OTULINL: variants seen among roughly 807,000 people sequenced by gnomAD.
OTULINL encodes the protein OTU deubiquitinase with linear linkage specificity like, also known as inactive ubiquitin thioesterase OTULINL.
OTULINL carries 42 observed loss-of-function variants against 43.9 expected under a neutral mutation model. The observed-to-expected ratio is 0.96, with a 90% CI of 0.75 to 1.24. OTULINL has a LOEUF of 1.24. OTULINL is among the 50% of genes most tolerant of loss of function. OTULINL has a pLI of 0.00. For missense variants in OTULINL, 411 were observed against 426.4 expected (o/e 0.96, Z 0.32); for synonymous variants, 172 against 153.6 (o/e 1.12, Z -0.88).
intron 1 of OTULINL, 148 bp downstream of exon 1, chr5:14,582,106 G>A (rs916710570): frequency 1.8e-6 from 1 of 545,614 alleles, no homozygotes; most frequent in Non-Finnish European, 2.7e-6. Flanking sequence ...CCGGGAGCTG[G>A]AGCGCGCCCC....
rs1011716319 is a variant in OTULINL, at chr5:14,610,898, A to G, written c.*584A>G. 1.3e-5 allele frequency: 2 copies of G among 152,364 alleles called. No individual in the cohort carries two copies. Among genetic ancestry groups the G allele is most frequent in the Non-Finnish European group, 2.9e-5 (2 of 68,148 alleles). The allele number at this position is 152,364 out of a possible 1,614,324, so 9.4% of individuals were successfully genotyped here. ...TGTATCTGTATAGTTTTATATATAC[A>G]TATATACACATAGACATACAGAGAA... is the stretch of plus-strand genomic sequence containing the variant. On this transcript the variant is annotated 3_prime_UTR_variant, in exon 8 of 8. Transcript: ENST00000274217.
Position 14,614,984 on chromosome 5 carries a change from A to G in OTULINL, c.*4670A>G. ...AGTTTAGTCAAGAGAATATCCTTGA[A>G]TAAAGAAGTACATGTTTTAAGTATT... On this transcript the variant is annotated 3_prime_UTR_variant, in exon 8 of 8. Transcript: ENST00000274217. The G allele has an allele frequency of 2.6e-6, 1 of 383,458 alleles. No homozygotes were observed. Among genetic ancestry groups the G allele is most frequent in the East Asian group, 3.7e-5 (1 of 26,732 alleles). The allele number at this position is 383,458 out of a possible 1,614,324, so 23.8% of individuals were successfully genotyped here. A position where few individuals can be genotyped will look rare whatever the true frequency, so the allele number is the denominator to read the frequency against.
rs1759572765 is a variant in OTULINL at position 14,611,018 on chromosome 5, T to G, written c.*704T>G. Reference sequence around the variant, plus strand: ...CAGCTTAATAGTTTTATTTAGATTTTTTAAAATTCTGTAGATTAAAGCAAA... The same window carrying G: ...CAGCTTAATAGTTTTATTTAGATTTGTTAAAATTCTGTAGATTAAAGCAAA... On this transcript the variant is annotated 3_prime_UTR_variant, in exon 8 of 8. Transcript: ENST00000274217. 1.3e-5 allele frequency: 2 copies of G among 152,206 alleles called. No homozygotes were observed. Among genetic ancestry groups the G allele is most frequent in the African/African-American group, 4.8e-5 (2 of 41,456 alleles). 9.4% of individuals were successfully genotyped at this position (152,206 alleles called of 1,614,324 possible).
Position 14,581,876 on chromosome 5 carries a change from C to A in OTULINL, c.-19C>A. 1 of 1,406,466 alleles carries A rather than the reference C, an allele frequency of 7.1e-7. No homozygotes were observed. The highest frequency in any genetic ancestry group is 9.3e-7 in the Non-Finnish European group (1 of 1,080,340). The allele number at this position is 1,406,466 out of a possible 1,614,324, so 87.1% of individuals were successfully genotyped here. A position where few individuals can be genotyped will look rare whatever the true frequency, so the allele number is the denominator to read the frequency against. On this transcript the variant is annotated 5_prime_UTR_variant, in exon 1 of 8. Transcript: ENST00000274217. ...AGACCACGGGCCGAGGCCCAGCGCCCGTCCGCAGCGCGGCCGGCATGGCGG... is the reference window on the plus strand; with the variant it reads ...AGACCACGGGCCGAGGCCCAGCGCCAGTCCGCAGCGCGGCCGGCATGGCGG...
intron 1 of OTULINL, among the ~76,000 whole-genome samples, chr5:14,582,399 G>C (rs1010725972): frequency 2.6e-5 from 4 of 152,050 alleles, no homozygotes; most frequent in Admixed American, 2.6e-4. Context: ...ACTCGCTGAC[G>C]GAGGGAGTTG....
chr5:14,606,053 A>G (rs145302972), intron 5 of OTULINL, among the ~76,000 whole-genome samples: 244 of 152,272 alleles, frequency 1.6e-3, no homozygotes, highest in Middle Eastern at 3.4e-3. Context: ...CTGTTTTCAC[A>G]CTGCTGATAA....
At chr5:14,602,475 A>C (rs1216915241) in intron 5 of OTULINL, 143 bp downstream of exon 5, 2 of 700,534 alleles carry the variant, frequency 2.9e-6, no homozygotes, top group Non-Finnish European at 4.7e-6. Flanking sequence ...TCTCACTGTC[A>C]CCCAGGATTG....
intron 4 of OTULINL, among the ~76,000 whole-genome samples, chr5:14,601,662 C>T (rs1336010882): frequency 6.6e-6 from 1 of 152,236 alleles, no homozygotes; most frequent in Non-Finnish European, 1.5e-5. Flanking sequence ...TCGATGAGGT[C>T]TGTAATTCCA....
At position 14,613,256 on chromosome 5, in the gene OTULINL, A is replaced by G. The variant is rs554917249; in HGVS notation, c.*2942A>G. Among the ~76,000 whole-genome samples, 69 of 152,276 alleles carry G rather than the reference A, an allele frequency of 4.5e-4. No homozygotes were observed. The highest frequency in any genetic ancestry group is 3.4e-3 in the Middle Eastern group (1 of 294). ...TTTAAGTGACAGTGACATTAAGCAT[A>G]TTCACATTGTTGTGCAACCCTCACC... On this transcript the variant is annotated 3_prime_UTR_variant, in exon 8 of 8. Transcript: ENST00000274217.
At chr5:14,604,270 G>A (rs1759436756) in intron 5 of OTULINL, among the ~76,000 whole-genome samples, 1 of 152,156 alleles carries the variant, frequency 6.6e-6, no homozygotes. Flanking sequence ...GGAGTTTAAG[G>A]TTACACTGAG....
chr5:14,610,382 T>C lies in OTULINL; in HGVS notation c.*68T>C. On this transcript the variant is annotated 3_prime_UTR_variant, in exon 8 of 8. Coordinates refer to ENST00000274217, the MANE Select transcript of OTULINL (RefSeq NM_019018.3). ...TCACAGTTGCAATAAAGTCTCTCTC[T>C]GAAACCAAAGCTAGCATTTCAGCAT... is the stretch of plus-strand genomic sequence containing the variant. 6.6e-7 allele frequency: 1 copy of C among 1,521,434 alleles called. No individual in the cohort carries two copies. The highest frequency in any genetic ancestry group is 9.0e-7 in the Non-Finnish European group (1 of 1,112,046). The allele number at this position is 1,521,434 out of a possible 1,614,324, so 94.2% of individuals were successfully genotyped here. A position where few individuals can be genotyped will look rare whatever the true frequency, so the allele number is the denominator to read the frequency against.
chr5:14,581,995 C>A, intron 1 of OTULINL, 37 bp downstream of exon 1: 5 of 1,228,762 alleles, frequency 4.1e-6, no homozygotes, highest in South Asian at 3.2e-5. Flanking sequence ...GCGGGGGGCG[C>A]GAGCAGGGAC....
At chr5:14,589,032 T>C (rs945601974) in intron 1 of OTULINL, among the ~76,000 whole-genome samples, 20 of 152,114 alleles carry the variant, frequency 1.3e-4, no homozygotes, top group African/African-American at 4.8e-4. Context: ...ATGGACGGGA[T>C]CCTGATTACA....
At chr5:14,599,489 CA>C (rs199980039) in intron 1 of OTULINL, among the ~76,000 whole-genome samples, 2,735 of 125,248 alleles carry the variant, frequency 0.022, 52 homozygotes, top group East Asian at 0.068. Flanking sequence ...GATTTCATCT[CA>C]AAAAAAAAAA....
intron 5 of OTULINL, among the ~76,000 whole-genome samples, chr5:14,606,041 G>A (rs1759470090): frequency 6.6e-6 from 1 of 152,108 alleles, no homozygotes; most frequent in African/African-American, 2.4e-5. Flanking sequence ...TACTGTATTA[G>A]TCTGTTTTCA....
At chr5:14,602,102 C>G (rs1166164556) in intron 4 of OTULINL, 81 bp from the exon 5 acceptor site, 1 of 1,124,500 alleles carries the variant, frequency 8.9e-7, no homozygotes, top group Non-Finnish European at 1.2e-6. Context: ...GGGAGGAACA[C>G]CTCACTGAAA....
intron 1 of OTULINL, among the ~76,000 whole-genome samples, chr5:14,597,516 T>G (rs1413720937): frequency 6.6e-6 from 1 of 152,202 alleles, no homozygotes; most frequent in East Asian, 1.9e-4. Flanking sequence ...GTAAATGAAT[T>G]AATTCCTGTA....
chr5:14,583,725 C>G (rs1001036710), intron 1 of OTULINL, among the ~76,000 whole-genome samples: 1 of 152,170 alleles, frequency 6.6e-6, no homozygotes, highest in African/African-American at 2.4e-5. Context: ...TGATGACTTA[C>G]AAGCATAGTT....
intron 5 of OTULINL, among the ~76,000 whole-genome samples, chr5:14,604,235 A>G (rs1759436265): frequency 6.6e-6 from 1 of 152,180 alleles, no homozygotes; most frequent in Non-Finnish European, 1.5e-5. Flanking sequence ...TTGGGAGACT[A>G]TGATGGGAGG....
Sources: allele counts gnomAD v4.1 joint callset (sites outside exome capture counted in the v4.1 genomes callset), GRCh38; gene constraint gnomAD v4.1.1; transcripts MANE v1.5; gene names NCBI Gene and HGNC (gene_info 2026-07-23, HGNC 2026-07-21).